SCYL2: variants seen among roughly 807,000 people sequenced by gnomAD.
SCYL2 encodes the protein SCY1 like pseudokinase 2.
Under a neutral mutation model 100.4 loss-of-function variants are expected in SCYL2, and 36 were observed. The observed-to-expected ratio is 0.36, with a 90% CI of 0.27 to 0.47. The LOEUF is 0.47. SCYL2 is among the 20% of genes least tolerant of loss of function. SCYL2 has a pLI of 1.00. For synonymous variants in SCYL2, 330 were observed against 359.2 expected (o/e 0.92, Z 0.92); for missense variants, 902 against 1,083.9 (o/e 0.83, Z 2.36).
At chr12:100,321,424 A>T (rs1304378019) in intron 10 of SCYL2, among the ~76,000 whole-genome samples, 1 of 152,150 alleles carries the variant, frequency 6.6e-6, no homozygotes, top group Non-Finnish European at 1.5e-5. Flanking sequence ...TACTTTAGCC[A>T]GTTAGTTCTC....
rs1345001141 is a variant in SCYL2 at position 100,267,200 on chromosome 12, C to T, written c.-621C>T. The stretch of plus-strand genomic sequence containing the variant: ...TTAGTCTTTTTCCCCCTCCCTTACT[C>T]TTCGTCCCCGGTCCCTCCCCTCCCC... On this transcript the variant is annotated 5_prime_UTR_variant, in exon 1 of 18. Transcript: ENST00000360820. The T allele has an allele frequency of 4.7e-6, 5 of 1,066,762 alleles. No individual in the cohort carries two copies. Among genetic ancestry groups the T allele is most frequent in the Non-Finnish European group, 6.7e-6 (5 of 751,380 alleles). The allele number at this position is 1,066,762 out of a possible 1,614,324, so 66.1% of individuals were successfully genotyped here.
In SCYL2 at chr12:100,340,287, T is replaced by C. The variant is rs1952336461; in HGVS notation, c.*1115T>C. ...TATTTTAATTTCTATTAGCCATTTT[T>C]AGGAAGGAAAGAATCAATTCTCTTA... On this transcript the variant is annotated 3_prime_UTR_variant, in exon 18 of 18. Transcript: ENST00000360820. The C allele has an allele frequency of 6.6e-6, 1 of 152,472 alleles. No homozygotes were observed. Among genetic ancestry groups the C allele is most frequent in the Non-Finnish European group, 1.5e-5 (1 of 67,980 alleles). The allele number at this position is 152,472 out of a possible 1,614,324, so 9.4% of individuals were successfully genotyped here.
intron 2 of SCYL2, among the ~76,000 whole-genome samples, chr12:100,290,266 A>G (rs2096309033): frequency 6.6e-6 from 1 of 152,126 alleles, no homozygotes; most frequent in Non-Finnish European, 1.5e-5. Flanking sequence ...TGCTGTATAG[A>G]TACATCCTCT....
chr12:100,297,882 A>C (rs1457819792), intron 3 of SCYL2, 149 bp from the exon 4 acceptor site: 1 of 622,966 alleles, frequency 1.6e-6, no homozygotes, highest in Non-Finnish European at 2.6e-6. Context: ...TTGTTGGTTT[A>C]AGTGGATTAT....
intron 11 of SCYL2, 26 bp from the exon 12 acceptor site, chr12:100,326,596 C>CTA (rs1190432784): frequency 6.5e-7 from 1 of 1,534,324 alleles, no homozygotes; most frequent in Non-Finnish European, 8.8e-7. Flanking sequence ...CTTTTAATGA[C>CTA]TAATGCAATT....
At chr12:100,268,899 C>T (rs889994587) in intron 1 of SCYL2, among the ~76,000 whole-genome samples, 1 of 152,150 alleles carries the variant, frequency 6.6e-6, no homozygotes, top group African/African-American at 2.4e-5. Context: ...TCATGAAGTC[C>T]TGTTGATTTT....
At chr12:100,304,397 G>A (rs1462796157) in intron 4 of SCYL2, among the ~76,000 whole-genome samples, 2 of 152,122 alleles carry the variant, frequency 1.3e-5, no homozygotes, top group African/African-American at 4.8e-5. Flanking sequence ...AGGTACCTGA[G>A]GGAATCTCCT....
chr12:100,314,129 C>G (rs2096345635), intron 7 of SCYL2, among the ~76,000 whole-genome samples: 2 of 152,196 alleles, frequency 1.3e-5, no homozygotes, highest in Non-Finnish European at 2.9e-5. Context: ...CTGCCTACCT[C>G]GGCCTCCCGA....
chr12:100,325,797 G>C (rs546561831), intron 11 of SCYL2, among the ~76,000 whole-genome samples: 1 of 151,724 alleles, frequency 6.6e-6, no homozygotes, highest in Non-Finnish European at 1.5e-5. Flanking sequence ...TTTATAAAAC[G>C]AATTATGAGT....
intron 9 of SCYL2, 110 bp from the exon 10 acceptor site, chr12:100,317,693 G>A (rs2096350573): frequency 2.8e-6 from 4 of 1,429,468 alleles, no homozygotes; most frequent in South Asian, 1.6e-5. Context: ...TAGCAACATG[G>A]TGAGTGTCAA....
intron 4 of SCYL2, among the ~76,000 whole-genome samples, chr12:100,301,663 T>G (rs1454894127): frequency 6.6e-6 from 1 of 152,248 alleles, no homozygotes; most frequent in Non-Finnish European, 1.5e-5. Flanking sequence ...AGTCTGATGT[T>G]TCTTTGTTGA....
In SCYL2 at chr12:100,267,277, A is replaced by C; in HGVS notation, c.-544A>C. The C allele has an allele frequency of 5.1e-6, 3 of 587,388 alleles. No individual in the cohort carries two copies. Among genetic ancestry groups the C allele is most frequent in the Non-Finnish European group, 8.9e-6 (3 of 336,946 alleles). 36.4% of individuals were successfully genotyped at this position (587,388 alleles called of 1,614,324 possible). On this transcript the variant is annotated 5_prime_UTR_variant, in exon 1 of 18. An upstream start codon of the reference 5' UTR is lost. Transcript: ENST00000360820. The stretch of plus-strand genomic sequence containing the variant: ...TGCGGCCGCGGGGGCGGCGGAGGAT[A>C]TGGAGTAAAGCCAGAGTCAGTGGCC...
chr12:100,315,815 A>G (rs2096348017), intron 9 of SCYL2, 81 bp downstream of exon 9: 3 of 1,195,966 alleles, frequency 2.5e-6, no homozygotes, highest in Non-Finnish European at 3.3e-6. Flanking sequence ...GAATGAATAT[A>G]TGACTTAAAA....
Position 100,338,579 on chromosome 12 carries a change from C to G in SCYL2, c.2197C>G (p.Leu733Val). The G allele has an allele frequency of 6.2e-7, 1 of 1,613,560 alleles. No individual in the cohort carries two copies. Among genetic ancestry groups the G allele is most frequent in the Non-Finnish European group, 8.5e-7 (1 of 1,179,624 alleles). Residue 733 changes from leucine (L) to valine (V), a missense_variant, in exon 18 of 18, where the codon CTT (leucine) becomes GTT (valine). Physicochemically the swap from Leu to Val is conservative, Grantham distance 32. Transcript: ENST00000360820. The part of the protein sequence containing the change: ...LMDNMSSLTS[L>V]SVSTPKSSAS... ...GGATAATATGTCATCCTTGACCAGC[C>G]TTTCTGTTAGTACCCCTAAATCTTC...
chr12:100,284,218 G>T (rs2096302004), intron 2 of SCYL2, among the ~76,000 whole-genome samples: 1 of 152,118 alleles, frequency 6.6e-6, no homozygotes, highest in East Asian at 1.9e-4. Flanking sequence ...AGGTAGTTGT[G>T]GTAATATCAG....
rs1280574821 is a variant in SCYL2, at chr12:100,293,980, T to TC, written c.335+2326dup. On this transcript the variant is annotated intron_variant, in intron 3 of 17. Transcript: ENST00000360820. ...GATTTCTCAATCTTTTCCCCACCTT[T>TC]CCCCCCTTTCTATTCCACAAAGCCG... is the stretch of plus-strand genomic sequence containing the variant. Among the ~76,000 whole-genome samples the TC allele has an allele frequency of 3.3e-5, 5 of 151,386 alleles. No homozygotes were observed. The East Asian group carries it at 9.9e-4, about 30-fold the overall frequency.
chr12:100,334,183 C>A lies in SCYL2; in HGVS notation c.1779C>A (p.Ser593=). 6.3e-7 allele frequency: 1 copy of A among 1,593,316 alleles called. No individual in the cohort carries two copies. Among genetic ancestry groups the A allele is most frequent in the Non-Finnish European group, 8.6e-7 (1 of 1,164,818 alleles). The part of the protein sequence containing the change: ...LNLNQFNSFI[S]VIKEMLNRLE... ...TATACCAGTTCAATTCTTTCATTTC[C>A]GTCATAAAAGAAATGCTTAATAGAT... Residue 593 remains serine (S), a synonymous_variant, in exon 14 of 18, where the codon TCC becomes TCA. Coordinates refer to ENST00000360820, the MANE Select transcript of SCYL2 (RefSeq NM_017988.6).
chr12:100,338,794 C>A lies in SCYL2; in HGVS notation c.2412C>A (p.Thr804=). 1 of 1,614,108 alleles carries A rather than the reference C, an allele frequency of 6.2e-7. No homozygotes were observed. The highest frequency in any genetic ancestry group is 8.5e-7 in the Non-Finnish European group (1 of 1,179,992). Residue 804 remains threonine (T), a synonymous_variant, in exon 18 of 18, where the codon ACC becomes ACA. Transcript: ENST00000360820. ...GTAGTCCAAGCACAGTTGGAGTGACCAAGATGACTCTGGGAACACCTCCCA... is the reference window on the plus strand; with the variant it reads ...GTAGTCCAAGCACAGTTGGAGTGACAAAGATGACTCTGGGAACACCTCCCA... ...FYSSPSTVGV[T]KMTLGTPPTL...
At chr12:100,281,849 AAG>A (rs1227676670) in intron 1 of SCYL2, among the ~76,000 whole-genome samples, 1 of 151,932 alleles carries the variant, frequency 6.6e-6, no homozygotes, top group African/African-American at 2.4e-5. Context: ...AAAAAAAAAA[AAG>A]AAAGTACAAA....
Sources: allele counts gnomAD v4.1 joint callset (sites outside exome capture counted in the v4.1 genomes callset), GRCh38; gene constraint gnomAD v4.1.1; transcripts MANE v1.5; gene names NCBI Gene and HGNC (gene_info 2026-07-23, HGNC 2026-07-21).